Variants in RSRC1 observed in about 807,000 individuals in gnomAD.
RSRC1 encodes the protein serine/Arginine-related protein 53.
A neutral mutation model predicts 49.1 loss-of-function variants in RSRC1; 39 were observed. That is an observed-to-expected ratio of 0.79 (90% CI 0.61 to 1.04). The LOEUF is 1.04. Ranked by LOEUF, RSRC1 falls within the 50% of genes least tolerant of loss-of-function variation. The pLI, the probability that RSRC1 is intolerant of heterozygous loss-of-function variation, is 0.00. For missense variants in RSRC1, 388 were observed against 402.4 expected (o/e 0.96, Z 0.31); for synonymous variants, 143 against 130.8 (o/e 1.09, Z -0.63).
chr3:158,445,604 G>T (rs1736664317), intron 6 of RSRC1, among the ~76,000 whole-genome samples: 1 of 151,974 alleles, frequency 6.6e-6, no homozygotes, highest in Admixed American at 6.6e-5. Context: ...GTATATATAT[G>T]TAACAAACCT....
chr3:158,134,160 T>C (rs142535460), intron 3 of RSRC1, among the ~76,000 whole-genome samples: 172 of 152,292 alleles, frequency 1.1e-3, no homozygotes, highest in African/African-American at 4.0e-3. Flanking sequence ...TATTAGAGCA[T>C]AATACTTTAC....
chr3:158,142,305 T>C lies in RSRC1; in HGVS notation c.320+18314T>C, dbSNP rs1033294822. On this transcript the variant is annotated intron_variant, in intron 3 of 9. Transcript: ENST00000611884. Reference sequence around the variant, plus strand: ...ATTGACATTTCTCATCATCTTCATATTAGAAGATTTCAGTATTGTTTCTTG... The same window carrying C: ...ATTGACATTTCTCATCATCTTCATACTAGAAGATTTCAGTATTGTTTCTTG... 6.6e-5 allele frequency among the ~76,000 whole-genome samples: 10 copies of C among 152,344 alleles called. No homozygotes were observed. In the East Asian group the frequency reaches 1.9e-3, roughly 29 times the overall value.
chr3:158,486,746 C>G (rs1481483533), intron 7 of RSRC1, among the ~76,000 whole-genome samples: 1 of 152,136 alleles, frequency 6.6e-6, no homozygotes, highest in Non-Finnish European at 1.5e-5. Context: ...TTTAGCTCCA[C>G]AACAACCCTG....
intron 3 of RSRC1, among the ~76,000 whole-genome samples, chr3:158,126,244 C>T (rs1715619844): frequency 2.0e-5 from 3 of 152,212 alleles, no homozygotes; most frequent in East Asian, 1.9e-4. Flanking sequence ...GAAGGACTTA[C>T]TGTTGCCATT....
rs1713271033 is a variant in RSRC1, at chr3:158,545,193, C to CTTTTTTTTCTTTTTTTTTTTTTTTTTT, written c.*926_*927insCTTTTTTTTTTTTTTTTTTTTTTTTTT. ...CATGAATATTTCCCGTTTCTATTTTCTTTTTTTTTTTTTTTTTTTTTTTTT... is the reference window on the plus strand; with the variant it reads ...CATGAATATTTCCCGTTTCTATTTTCTTTTTTTTCTTTTTTTTTTTTTTTTTTTTTTTTTTTTTTTTTTTTTTTTTTT... On this transcript the variant is annotated 3_prime_UTR_variant, in exon 10 of 10. Transcript: ENST00000611884. The CTTTTTTTTCTTTTTTTTTTTTTTTTTT allele has an allele frequency of 1.3e-5, 1 of 74,624 alleles. No homozygotes were observed. The highest frequency in any genetic ancestry group is 2.7e-5 in the Non-Finnish European group (1 of 37,266). The allele number at this position is 74,624 out of a possible 1,614,324, so 4.6% of individuals were successfully genotyped here.
At chr3:158,326,769 T>C (rs1473442090) in intron 5 of RSRC1, among the ~76,000 whole-genome samples, 1 of 152,194 alleles carries the variant, frequency 6.6e-6, no homozygotes, top group East Asian at 1.9e-4. Flanking sequence ...GGATTCCCTC[T>C]TTTTCTATTG....
chr3:158,265,226 A>G (rs1415806911), intron 4 of RSRC1, among the ~76,000 whole-genome samples: 2 of 152,218 alleles, frequency 1.3e-5, no homozygotes, highest in Non-Finnish European at 2.9e-5. Context: ...CACAACATTA[A>G]AAAATACATT....
intron 4 of RSRC1, among the ~76,000 whole-genome samples, chr3:158,266,069 TCCATA>T (rs1725157878): frequency 6.6e-6 from 1 of 152,200 alleles, no homozygotes; most frequent in African/African-American, 2.4e-5. Flanking sequence ...TCTTATTTCA[TCCATA>T]CCAACAGTAT....
intron 6 of RSRC1, among the ~76,000 whole-genome samples, chr3:158,362,298 G>A (rs981189485): frequency 5.9e-5 from 9 of 152,114 alleles, no homozygotes; most frequent in African/African-American, 1.2e-4. Context: ...CTGTGATTGC[G>A]CCACTGCACT....
Position 158,469,112 on chromosome 3 carries a change from C to T in RSRC1, c.652+8109C>T, listed in dbSNP as rs1738015371. On this transcript the variant is annotated intron_variant, in intron 7 of 9. Coordinates refer to ENST00000611884, the MANE Select transcript of RSRC1 (RefSeq NM_001271838.2). The stretch of plus-strand genomic sequence containing the variant: ...ATCTGTTTACTCTGACAGGTATCAC[C>T]CAACAGGTCTAGCTTCTTCTTAAGG... Among the ~76,000 whole-genome samples, 4 of 152,118 alleles carry T rather than the reference C, an allele frequency of 2.6e-5. No individual in the cohort carries two copies. In the South Asian group the frequency reaches 8.3e-4, roughly 32 times the overall value.
At chr3:158,467,677 T>C (rs1737950458) in intron 7 of RSRC1, among the ~76,000 whole-genome samples, 1 of 152,202 alleles carries the variant, frequency 6.6e-6, no homozygotes, top group Non-Finnish European at 1.5e-5. Flanking sequence ...GTACATGATA[T>C]AGTAATGTAT....
intron 4 of RSRC1, among the ~76,000 whole-genome samples, chr3:158,255,304 C>A (rs965587718): frequency 1.3e-5 from 2 of 152,126 alleles, no homozygotes; most frequent in East Asian, 3.8e-4. Context: ...TTTCCCAGCA[C>A]CATTTATTAA....
chr3:158,285,840 A>G (rs1260030294), intron 4 of RSRC1, among the ~76,000 whole-genome samples: 1 of 152,224 alleles, frequency 6.6e-6, no homozygotes, highest in African/African-American at 2.4e-5. Flanking sequence ...ATCTGCAAAC[A>G]GGGACAATTT....
chr3:158,336,728 G>A (rs576978911), intron 5 of RSRC1: 2 of 152,318 alleles, frequency 1.3e-5, no homozygotes, highest in South Asian at 4.1e-4. Context: ...GTCATAAGCT[G>A]TGGTCATTAC....
intron 4 of RSRC1, among the ~76,000 whole-genome samples, chr3:158,240,357 T>C (rs1723498415): frequency 6.6e-6 from 1 of 152,144 alleles, no homozygotes; most frequent in Non-Finnish European, 1.5e-5. Flanking sequence ...ACATATTTCA[T>C]ATTTATCAAA....
At chr3:158,323,625 G>C (rs1053417877) in intron 5 of RSRC1, among the ~76,000 whole-genome samples, 3 of 152,062 alleles carry the variant, frequency 2.0e-5, no homozygotes, top group African/African-American at 7.2e-5. Flanking sequence ...GTAGGTTTTT[G>C]CCATTCAAGC....
chr3:158,339,642 A>G (rs1288634281), intron 5 of RSRC1, among the ~76,000 whole-genome samples: 2 of 152,194 alleles, frequency 1.3e-5, no homozygotes, highest in African/African-American at 4.8e-5. Flanking sequence ...TAAATTATGT[A>G]TGACACTAAG....
chr3:158,325,305 T>C lies in RSRC1; in HGVS notation c.531+27230T>C, dbSNP rs186338429. 5.9e-3 allele frequency among the ~76,000 whole-genome samples: 905 copies of C among 152,350 alleles called. 11 individuals carry two copies. The highest frequency in any genetic ancestry group is 5.6e-3 in the Non-Finnish European group (380 of 68,032). On this transcript the variant is annotated intron_variant, in intron 5 of 9. Coordinates refer to ENST00000611884, the MANE Select transcript of RSRC1 (RefSeq NM_001271838.2). ...GTTTCAGACATGAAGTACTTGCCCA[T>C]GCCTAAGTCCTGAATAGTATTGCCT...
intron 4 of RSRC1, among the ~76,000 whole-genome samples, chr3:158,222,894 C>G (rs1722304642): frequency 6.6e-6 from 1 of 151,592 alleles, no homozygotes; most frequent in Non-Finnish European, 1.5e-5. Flanking sequence ...AAAACACAAC[C>G]CTTAACTTTC....
Sources: gnomAD v4.1 joint callset for allele counts (sites outside exome capture counted in the v4.1 genomes callset) on GRCh38, gnomAD v4.1.1 for gene constraint, MANE v1.5 for transcripts, NCBI Gene and HGNC (gene_info 2026-07-23, HGNC 2026-07-21) for gene names.